The following REDIC1 variants were observed in gnomAD, a reference collection of about 807,000 sequenced individuals.
REDIC1 encodes the protein regulator of DNA class I crossover intermediates 1.
chr12:39,762,605 T>C, the REDIC1 span, among the ~76,000 whole-genome samples: 1 of 151,982 alleles, frequency 6.6e-6, no homozygotes, highest in Non-Finnish European at 1.5e-5. Flanking sequence ...TGAGATCTTA[T>C]GAAACAATAA....
the REDIC1 span, among the ~76,000 whole-genome samples, chr12:39,657,421 T>G: frequency 3.9e-5 from 6 of 152,236 alleles, no homozygotes; most frequent in Admixed American, 3.9e-4. Flanking sequence ...GACACATTTA[T>G]CAAAATGTAT....
chr12:39,849,920 T>C, the REDIC1 span, among the ~76,000 whole-genome samples: 1 of 152,178 alleles, frequency 6.6e-6, no homozygotes, highest in Non-Finnish European at 1.5e-5. Context: ...TAATATTGTT[T>C]CTTCTTCTGT....
the REDIC1 span, among the ~76,000 whole-genome samples, chr12:39,653,534 TTCTTTTTCTTC>T: frequency 3.7e-5 from 2 of 53,976 alleles, no homozygotes; most frequent in Non-Finnish European, 5.2e-5. Context: ...CTTCTTCTTC[TTCTTTTTCTTC>T]TTCTTCTTCT....
chr12:39,810,056 G>A, the REDIC1 span, among the ~76,000 whole-genome samples: 1 of 152,266 alleles, frequency 6.6e-6, no homozygotes, highest in Non-Finnish European at 1.5e-5. Flanking sequence ...GGTATTTCTA[G>A]TTCTAGATCC....
the REDIC1 span, chr12:39,684,999 C>T: frequency 1.3e-4 from 133 of 1,055,212 alleles, no homozygotes; most frequent in Admixed American, 3.4e-4. Flanking sequence ...CTGTATTTAA[C>T]GTTCACTTTG....
chr12:39,663,763 A>G, the REDIC1 span, among the ~76,000 whole-genome samples: 2 of 151,842 alleles, frequency 1.3e-5, no homozygotes, highest in South Asian at 4.2e-4. Flanking sequence ...TTATACTTTC[A>G]TGCATTTTCG....
the REDIC1 span, among the ~76,000 whole-genome samples, chr12:39,852,086 G>T: frequency 6.6e-6 from 1 of 152,184 alleles, no homozygotes. Context: ...GTGAGGCTGG[G>T]TAAGGTTAAG....
chr12:39,743,053 T>A, the REDIC1 span, among the ~76,000 whole-genome samples: 1 of 71,230 alleles, frequency 1.4e-5, no homozygotes, highest in East Asian at 4.4e-4. Context: ...GTTTATAGAG[T>A]GACGATGGGA....
chr12:39,677,667 T>G, the REDIC1 span, among the ~76,000 whole-genome samples: 1 of 152,118 alleles, frequency 6.6e-6, no homozygotes, highest in Non-Finnish European at 1.5e-5. Context: ...TGGAACATTC[T>G]CCAAGATAGA....
At chr12:39,765,004 C>A in the REDIC1 span, 1 of 932,450 alleles carries the variant, frequency 1.1e-6, no homozygotes, top group African/African-American at 1.7e-5. Flanking sequence ...ACTAAATATA[C>A]AGTATTAGAT....
the REDIC1 span, among the ~76,000 whole-genome samples, chr12:39,887,327 G>A: frequency 6.6e-6 from 1 of 152,160 alleles, no homozygotes; most frequent in African/African-American, 2.4e-5. Flanking sequence ...TCTGTTACAA[G>A]TTATATCCCA....
At chr12:39,899,681 T>C in the REDIC1 span, among the ~76,000 whole-genome samples, 3 of 152,254 alleles carry the variant, frequency 2.0e-5, no homozygotes, top group East Asian at 5.8e-4. Context: ...GTATGTTGTG[T>C]CTTTGTTCTC....
the REDIC1 span, chr12:39,683,153 C>T: frequency 6.4e-7 from 1 of 1,563,280 alleles, no homozygotes; most frequent in Non-Finnish European, 8.6e-7. Context: ...TGGTATTGTA[C>T]ATGGAAAATG....
At chr12:39,830,404 C>T in the REDIC1 span, 2 of 1,337,984 alleles carry the variant, frequency 1.5e-6, no homozygotes, top group African/African-American at 2.9e-5. Flanking sequence ...GCTGGCTGGT[C>T]TCTTCGATTT....
chr12:39,653,526 TC>T, the REDIC1 span, among the ~76,000 whole-genome samples: 8 of 59,734 alleles, frequency 1.3e-4, no homozygotes, highest in South Asian at 9.0e-4. Flanking sequence ...TTCTTCTTCT[TC>T]TTCTTCTTCT....
chr12:39,847,122 T>C, the REDIC1 span, among the ~76,000 whole-genome samples: 9 of 152,194 alleles, frequency 5.9e-5, no homozygotes, highest in Non-Finnish European at 1.2e-4. Flanking sequence ...TTTAGACTTC[T>C]AATGAGCACA....
At chr12:39,739,297 A>G in the REDIC1 span, among the ~76,000 whole-genome samples, 1 of 152,314 alleles carries the variant, frequency 6.6e-6, no homozygotes, top group African/African-American at 2.4e-5. Flanking sequence ...GGGAGATACA[A>G]ATTAGTTGAG....
At chr12:39,890,140 G>A in the REDIC1 span, among the ~76,000 whole-genome samples, 1 of 151,368 alleles carries the variant, frequency 6.6e-6, no homozygotes, top group Non-Finnish European at 1.5e-5. Context: ...GCAATTACTA[G>A]GTATATATTA....
the REDIC1 span, among the ~76,000 whole-genome samples, chr12:39,704,764 C>A: frequency 2.6e-5 from 4 of 152,204 alleles, no homozygotes; most frequent in African/African-American, 9.7e-5. Flanking sequence ...GAGTTCATGG[C>A]CTTTGTAGGG....
Sources: gnomAD v4.1 joint callset for allele counts (sites outside exome capture counted in the v4.1 genomes callset) on GRCh38, gnomAD v4.1.1 for gene constraint, MANE v1.5 for transcripts, NCBI Gene and HGNC (gene_info 2026-07-23, HGNC 2026-07-21) for gene names.